Variants in ATXN10 observed in about 807,000 individuals in gnomAD.
The protein encoded by ATXN10 is ataxin-10.
A neutral mutation model predicts 52.9 loss-of-function variants in ATXN10; 28 were observed. The observed-to-expected ratio is 0.53, with a 90% CI of 0.39 to 0.73. The LOEUF (loss-of-function observed/expected upper bound fraction) is 0.73. Ranked by LOEUF, ATXN10 falls within the 30% of genes least tolerant of loss-of-function variation. The probability of loss-of-function intolerance (pLI) is 0.00; values close to 1 mark genes in which losing one functional copy is unlikely to be tolerated. For missense variants in ATXN10, 565 were observed against 577.0 expected, an observed-to-expected ratio of 0.98 and a Z score of 0.21; for synonymous variants, 226 against 221.5, an observed-to-expected ratio of 1.02 and a Z score of -0.18.
intron 9 of ATXN10, among the ~76,000 whole-genome samples, chr22:45,741,410 C>T (rs773082401): frequency 2.0e-5 from 3 of 152,116 alleles, no homozygotes; most frequent in Non-Finnish European, 4.4e-5. Flanking sequence ...CTTAGAAGCC[C>T]GTCACTATGT....
intron 9 of ATXN10, among the ~76,000 whole-genome samples, chr22:45,761,996 G>T (rs1301451075): frequency 6.6e-6 from 1 of 152,154 alleles, no homozygotes; most frequent in Non-Finnish European, 1.5e-5. Flanking sequence ...GCCTTTAAGA[G>T]CCTTCTGACT....
intron 9 of ATXN10, among the ~76,000 whole-genome samples, chr22:45,760,287 T>C (rs1406691925): frequency 6.6e-6 from 1 of 152,180 alleles, no homozygotes; most frequent in Non-Finnish European, 1.5e-5. Flanking sequence ...CCCTCATTAA[T>C]ATGGGACTCT....
At chr22:45,813,336 T>A (rs1355210771) in intron 10 of ATXN10, among the ~76,000 whole-genome samples, 2 of 151,828 alleles carry the variant, frequency 1.3e-5, no homozygotes, top group Non-Finnish European at 2.9e-5. Context: ...TGGGTTTGTT[T>A]TTTTTTTTTC....
rs1174261949 is a variant in ATXN10 at position 45,696,943 on chromosome 22, C to T, written c.392-3339C>T. Among the ~76,000 whole-genome samples, 1 of 152,166 alleles carries T rather than the reference C, an allele frequency of 6.6e-6. No homozygotes were observed. Among genetic ancestry groups the T allele is most frequent in the Non-Finnish European group, 1.5e-5 (1 of 68,028 alleles). ...ACTCATATTCACTAGGCAGAGAGGGCAGATTCTTACAGACCTGTTACATGT... is the reference window on the plus strand; with the variant it reads ...ACTCATATTCACTAGGCAGAGAGGGTAGATTCTTACAGACCTGTTACATGT... On this transcript the variant is annotated intron_variant, in intron 3 of 11. Coordinates refer to ENST00000252934, the MANE Select transcript of ATXN10 (RefSeq NM_013236.4). The surrounding 1 kb of genome is among the most constrained non-coding windows in gnomAD (Gnocchi z 4.7).
chr22:45,804,325 C>CT (rs1428604020), intron 9 of ATXN10, among the ~76,000 whole-genome samples: 2 of 152,232 alleles, frequency 1.3e-5, no homozygotes, highest in Admixed American at 1.3e-4. Context: ...ATTAAAGCAT[C>CT]TGATTGCCTA....
At chr22:45,779,832 C>T (rs1341051863) in intron 9 of ATXN10, among the ~76,000 whole-genome samples, 2 of 152,088 alleles carry the variant, frequency 1.3e-5, no homozygotes, top group Admixed American at 6.5e-5. Flanking sequence ...GAAAAAGAAT[C>T]ATTCGTACTT....
Position 45,828,713 on chromosome 22 carries a change from A to G in ATXN10, c.1238-14278A>G, listed in dbSNP as rs1928895883. On this transcript the variant is annotated intron_variant, in intron 10 of 11. Coordinates refer to ENST00000252934, the MANE Select transcript of ATXN10 (RefSeq NM_013236.4). This position sits in a 1 kb window ranked among gnomAD's most constrained non-coding sequence, Gnocchi z 4.5. ...AATATGGATAGACCTAGTTATAGTAAGTACTATAGTAAGTACTATAAGTTA... is the reference window on the plus strand; with the variant it reads ...AATATGGATAGACCTAGTTATAGTAGGTACTATAGTAAGTACTATAAGTTA... Among the ~76,000 whole-genome samples the G allele has an allele frequency of 6.6e-6, 1 of 152,236 alleles. No homozygotes were observed. Among genetic ancestry groups the G allele is most frequent in the African/African-American group, 2.4e-5 (1 of 41,458 alleles).
chr22:45,709,422 T>C (rs1455571128), intron 5 of ATXN10, among the ~76,000 whole-genome samples: 1 of 152,196 alleles, frequency 6.6e-6, no homozygotes, highest in Non-Finnish European at 1.5e-5. Context: ...ACTGAAAAAT[T>C]CCAGGGTCAT....
intron 5 of ATXN10, among the ~76,000 whole-genome samples, chr22:45,716,710 G>A (rs1924461435): frequency 6.6e-6 from 1 of 152,044 alleles, no homozygotes; most frequent in South Asian, 2.1e-4. Flanking sequence ...GATAGAAAAA[G>A]AAGAGCATAG....
chr22:45,793,746 C>T (rs1026440237), intron 9 of ATXN10: 26 of 1,432,758 alleles, frequency 1.8e-5, no homozygotes, highest in East Asian at 8.5e-5. Context: ...TTGCCACCCC[C>T]GATTCCTGCC....
rs1228340475 is a variant in ATXN10 at position 45,780,360 on chromosome 22, A to C, written c.1174-26599A>C. ...CAGCCTCCCAAATTGCTGGGATTAC[A>C]GGCATGAGCCACTGTGCCCGTCGGA... On this transcript the variant is annotated intron_variant, in intron 9 of 11. Transcript: ENST00000252934. The surrounding 1 kb of genome is among the most constrained non-coding windows in gnomAD (Gnocchi z 4.0). 3.3e-5 allele frequency among the ~76,000 whole-genome samples: 5 copies of C among 152,226 alleles called. No individual in the cohort carries two copies. Among genetic ancestry groups the C allele is most frequent in the Admixed American group, 6.5e-5 (1 of 15,280 alleles).
intron 9 of ATXN10, among the ~76,000 whole-genome samples, chr22:45,791,363 A>G (rs1198299560): frequency 6.6e-6 from 1 of 152,194 alleles, no homozygotes; most frequent in African/African-American, 2.4e-5. Context: ...GCCAGGAGAC[A>G]GTATCCTTGT....
chr22:45,747,061 A>G (rs778395222), intron 9 of ATXN10, among the ~76,000 whole-genome samples: 17 of 152,116 alleles, frequency 1.1e-4, no homozygotes, highest in Middle Eastern at 6.8e-3. Flanking sequence ...TCCTCCCTTG[A>G]TGTTTTGTCT....
chr22:45,718,365 T>C lies in ATXN10; in HGVS notation c.648-48T>C. ...TATAAAGTAGATAAGGGCATGTCTC[T>C]TTTACTATGTTTCAAGTAACCAAAC... On this transcript the variant is annotated intron_variant, in intron 5 of 11. Coordinates refer to ENST00000252934, the MANE Select transcript of ATXN10 (RefSeq NM_013236.4). The surrounding 1 kb of genome is among the most constrained non-coding windows in gnomAD (Gnocchi z 4.4). 1 of 1,431,140 alleles carries C rather than the reference T, an allele frequency of 7.0e-7. No individual in the cohort carries two copies. The highest frequency in any genetic ancestry group is 9.9e-7 in the Non-Finnish European group (1 of 1,013,406). The allele number at this position is 1,431,140 out of a possible 1,614,324, so 88.7% of individuals were successfully genotyped here.
chr22:45,760,873 C>A (rs1926364001), intron 9 of ATXN10, among the ~76,000 whole-genome samples: 1 of 152,070 alleles, frequency 6.6e-6, no homozygotes, highest in Non-Finnish European at 1.5e-5. Context: ...CTGATAAGAG[C>A]CCCAGTGTGC....
chr22:45,814,073 T>C (rs1260066873), intron 10 of ATXN10, among the ~76,000 whole-genome samples: 3 of 152,196 alleles, frequency 2.0e-5, no homozygotes, highest in Non-Finnish European at 4.4e-5. Flanking sequence ...TAGTTGAATT[T>C]ATAGACCTCA....
intron 10 of ATXN10, among the ~76,000 whole-genome samples, chr22:45,809,308 T>TC (rs1188317393): frequency 1.3e-5 from 2 of 152,070 alleles, no homozygotes; most frequent in South Asian, 2.1e-4. Context: ...ATTCACTCTT[T>TC]CCCCCCCTTT....
In ATXN10 at chr22:45,807,232, G is replaced by A. The variant is rs1928130403; in HGVS notation, c.1237+210G>A. The A allele has an allele frequency of 4.6e-6, 3 of 648,386 alleles. No individual in the cohort carries two copies. The African/African-American group carries it at 5.4e-5, about 12-fold the overall frequency. 40.2% of individuals were successfully genotyped at this position (648,386 alleles called of 1,614,324 possible). A position where few individuals can be genotyped will look rare whatever the true frequency, so the allele number is the denominator to read the frequency against. ...TATGGTAAGCTAGTTTTTTCATGGT[G>A]AATAAGACATTCCAAATGAGCATGT... On this transcript the variant is annotated intron_variant, in intron 10 of 11. Transcript: ENST00000252934.
intron 6 of ATXN10, among the ~76,000 whole-genome samples, chr22:45,726,126 G>A (rs868748387): frequency 6.6e-6 from 1 of 152,052 alleles, no homozygotes; most frequent in Non-Finnish European, 1.5e-5. Context: ...TTTTTGTTAT[G>A]TCCTTTACTG....
Sources: allele counts gnomAD v4.1 joint callset (sites outside exome capture counted in the v4.1 genomes callset), GRCh38; gene constraint gnomAD v4.1.1; non-coding constraint Gnocchi (gnomAD v3.1); transcripts MANE v1.5; gene names NCBI Gene and HGNC (gene_info 2026-07-23, HGNC 2026-07-21).